UGT1A8: variants seen among roughly 807,000 people sequenced by gnomAD.
UGT1A8 encodes UDP glucuronosyltransferase family 1 member A8.
Under a neutral mutation model 45.3 loss-of-function variants are expected in UGT1A8, and 39 were observed. That is an observed-to-expected ratio of 0.86 (90% CI 0.67 to 1.12). The LOEUF is 1.12. Ranked by LOEUF, UGT1A8 falls within the 50% of genes most tolerant of loss-of-function variation. UGT1A8 has a pLI of 0.00. For missense variants in UGT1A8, 719 were observed against 664.9 expected (o/e 1.08, Z -0.90); for synonymous variants, 275 against 249.2 (o/e 1.10, Z -0.97).
intron 1 of UGT1A8, among the ~76,000 whole-genome samples, chr2:233,642,178 A>C (rs978891236): frequency 6.6e-6 from 1 of 152,170 alleles, no homozygotes; most frequent in African/African-American, 2.4e-5. Context: ...TAGATCCTAT[A>C]AGCATGCTTC....
intron 1 of UGT1A8, among the ~76,000 whole-genome samples, chr2:233,727,012 G>T (rs2077577761): frequency 6.6e-6 from 1 of 152,100 alleles, no homozygotes; most frequent in Non-Finnish European, 1.5e-5. Flanking sequence ...TTTATCATTT[G>T]TTGTTTTTGT....
intron 1 of UGT1A8, among the ~76,000 whole-genome samples, chr2:233,706,125 C>T (rs2075890628): frequency 6.6e-6 from 1 of 152,166 alleles, no homozygotes; most frequent in Non-Finnish European, 1.5e-5. Flanking sequence ...AGGACACTGA[C>T]AGCAAAGTAT....
chr2:233,747,446 A>G (rs1037579291), intron 1 of UGT1A8: 7 of 1,608,790 alleles, frequency 4.4e-6, no homozygotes, highest in Admixed American at 3.3e-5. Flanking sequence ...TCACCCTGAC[A>G]ACCTATGCCA....
At chr2:233,760,220 G>C (rs1697349973) in intron 1 of UGT1A8, 2 of 1,593,686 alleles carry the variant, frequency 1.3e-6, no homozygotes, top group South Asian at 2.2e-5. Flanking sequence ...TTGGTGTATC[G>C]ATTGGTTTTT....
chr2:233,654,639 C>T (rs1368670709), intron 1 of UGT1A8, among the ~76,000 whole-genome samples: 1 of 152,210 alleles, frequency 6.6e-6, no homozygotes, highest in African/African-American at 2.4e-5. Context: ...CTGATGATTG[C>T]TTGGCGACAT....
At chr2:233,632,775 A>C (rs1446397685) in intron 1 of UGT1A8, among the ~76,000 whole-genome samples, 5 of 152,198 alleles carry the variant, frequency 3.3e-5, no homozygotes, top group Admixed American at 6.5e-5. Flanking sequence ...TGTCATCTGC[A>C]AACAGAGACA....
intron 1 of UGT1A8, among the ~76,000 whole-genome samples, chr2:233,694,699 C>T (rs1279284041): frequency 6.6e-6 from 1 of 152,312 alleles, no homozygotes; most frequent in East Asian, 1.9e-4. Context: ...CCTTACCTCT[C>T]TTCTTTACAC....
intron 1 of UGT1A8, chr2:233,753,251 C>T (rs1242257828): frequency 6.6e-6 from 1 of 152,206 alleles, no homozygotes; most frequent in African/African-American, 2.4e-5. Flanking sequence ...TAAGAAGCAA[C>T]TACCCAGGCA....
intron 1 of UGT1A8, chr2:233,636,350 G>T: frequency 8.7e-7 from 1 of 1,152,654 alleles, no homozygotes; most frequent in Non-Finnish European, 1.2e-6. Flanking sequence ...AATGATACTC[G>T]TGTGTTATCG....
intron 1 of UGT1A8, among the ~76,000 whole-genome samples, chr2:233,644,475 C>T (rs997331648): frequency 1.3e-5 from 2 of 152,050 alleles, no homozygotes; most frequent in East Asian, 1.9e-4. Flanking sequence ...AGCAGAGATT[C>T]GCTTGAACCT....
chr2:233,658,497 GC>G (rs2073901910), intron 1 of UGT1A8, among the ~76,000 whole-genome samples: 1 of 151,914 alleles, frequency 6.6e-6, no homozygotes, highest in African/African-American at 2.4e-5. Context: ...AGCCCATCAC[GC>G]CCCCTTCATC....
chr2:233,622,200 T>A (rs1026807980), intron 1 of UGT1A8, among the ~76,000 whole-genome samples: 1 of 152,190 alleles, frequency 6.6e-6, no homozygotes, highest in Non-Finnish European at 1.5e-5. Context: ...TACGTGTGCA[T>A]GTGTCTTTAT....
chr2:233,717,499 G>T (rs570547635), intron 1 of UGT1A8, among the ~76,000 whole-genome samples: 12 of 152,304 alleles, frequency 7.9e-5, no homozygotes, highest in Non-Finnish European at 1.5e-4. Context: ...TATCAATGTG[G>T]ATTTCTAATG....
intron 1 of UGT1A8, among the ~76,000 whole-genome samples, chr2:233,630,616 G>A (rs2073169644): frequency 6.6e-6 from 1 of 152,098 alleles, no homozygotes; most frequent in Admixed American, 6.6e-5. Context: ...TGCTTCTGGT[G>A]AGGCCTCAGG....
chr2:233,711,613 G>A (rs1218892804), intron 1 of UGT1A8, among the ~76,000 whole-genome samples: 1 of 152,182 alleles, frequency 6.6e-6, no homozygotes, highest in Non-Finnish European at 1.5e-5. Context: ...CCCTCTGGTG[G>A]ACAGCTCCAT....
chr2:233,748,177 G>A, intron 1 of UGT1A8: 1 of 1,581,678 alleles, frequency 6.3e-7, no homozygotes, highest in Middle Eastern at 2.3e-4. Context: ...TTATCTTTCT[G>A]GTGCTTTTAT....
intron 1 of UGT1A8, among the ~76,000 whole-genome samples, chr2:233,757,613 T>G (rs972874024): frequency 6.8e-6 from 1 of 146,622 alleles, no homozygotes; most frequent in Non-Finnish European, 1.5e-5. Context: ...TGCAAACTGC[T>G]AAAAGATACA....
intron 1 of UGT1A8, chr2:233,672,202 T>A (rs1054481134): frequency 4.3e-6 from 7 of 1,613,900 alleles, no homozygotes; most frequent in Non-Finnish European, 5.9e-6. Flanking sequence ...GGACCGGGAG[T>A]TCAAGGCTTT....
intron 1 of UGT1A8, chr2:233,755,110 CGT>C: frequency 7.5e-7 from 1 of 1,333,642 alleles, no homozygotes; most frequent in Non-Finnish European, 1.0e-6. Flanking sequence ...GACAACACCT[CGT>C]AGGCCTCAGC....
Sources: gnomAD v4.1 joint callset for allele counts (sites outside exome capture counted in the v4.1 genomes callset) on GRCh38, gnomAD v4.1.1 for gene constraint, MANE v1.5 for transcripts, NCBI Gene and HGNC (gene_info 2026-07-23, HGNC 2026-07-21) for gene names.